The following NRXN1 variants were observed in gnomAD, a reference collection of about 807,000 sequenced individuals.
NRXN1 encodes the protein neurexin 1.
NRXN1 carries 39 observed loss-of-function variants against 150.9 expected under a neutral mutation model. The ratio of observed to expected loss-of-function variants is 0.26; its 90% CI spans 0.20 to 0.34. NRXN1 has a LOEUF of 0.34. NRXN1 is among the 10% of genes least tolerant of loss of function. The pLI, the probability that NRXN1 is intolerant of heterozygous loss-of-function variation, is 1.00. For synonymous variants in NRXN1, 924 were observed against 757.0 expected, an observed-to-expected ratio of 1.22 and a Z score of -3.62; for missense variants, 1,815 against 1,949.9, an observed-to-expected ratio of 0.93 and a Z score of 1.30.
Position 49,920,031 on chromosome 2 carries a change from T to G in NRXN1, c.*1913A>C, listed in dbSNP as rs2103965268. ...GGTATTCAAGTAATGCAACCAATTT[T>G]TCCTGAAACATCAACTTGCAATGTA... On this transcript the variant is annotated 3_prime_UTR_variant, in exon 23 of 23. Transcript: ENST00000401669. 6.6e-6 allele frequency: 1 copy of G among 152,318 alleles called. No individual in the cohort carries two copies. The highest frequency in any genetic ancestry group is 6.5e-5 in the Admixed American group (1 of 15,300). The allele number at this position is 152,318 out of a possible 1,614,324, so 9.4% of individuals were successfully genotyped here.
At chr2:50,181,926 A>G (rs1422321303) in intron 18 of NRXN1, among the ~76,000 whole-genome samples, 2 of 151,964 alleles carry the variant, frequency 1.3e-5, no homozygotes, top group Non-Finnish European at 2.9e-5. Context: ...TCAGATAAAG[A>G]TAGTTTTTAA....
chr2:50,606,113 G>C (rs1677070611), intron 8 of NRXN1, among the ~76,000 whole-genome samples: 1 of 152,002 alleles, frequency 6.6e-6, no homozygotes, highest in African/African-American at 2.4e-5. Flanking sequence ...AGCCAGGCAT[G>C]GTGGCATAGG....
chr2:50,002,494 G>C (rs1011858686), intron 21 of NRXN1, among the ~76,000 whole-genome samples: 1 of 152,104 alleles, frequency 6.6e-6, no homozygotes, highest in Non-Finnish European at 1.5e-5. Context: ...GGATGTCAGT[G>C]ATAGTTGTTT....
At chr2:50,836,987 G>C (rs1574653822) in intron 5 of NRXN1, among the ~76,000 whole-genome samples, 1 of 151,662 alleles carries the variant, frequency 6.6e-6, no homozygotes, top group East Asian at 1.9e-4. Context: ...TGAGCATATG[G>C]TCATGTCTGG....
chr2:49,955,035 A>G (rs1179945825), intron 21 of NRXN1, among the ~76,000 whole-genome samples: 2 of 152,204 alleles, frequency 1.3e-5, no homozygotes, highest in Admixed American at 6.6e-5. Context: ...ATGAAAATAC[A>G]GCTTAGTTAA....
At chr2:50,582,478 CAAAAAAAAAAAA>C (rs56941425) in intron 8 of NRXN1, among the ~76,000 whole-genome samples, 5 of 44,206 alleles carry the variant, frequency 1.1e-4, no homozygotes, top group Admixed American at 6.8e-4. Context: ...GACTCGTCTC[CAAAAAAAAAAAA>C]AAAAAAAAAA....
chr2:50,291,179 A>G (rs1283908508), intron 17 of NRXN1, among the ~76,000 whole-genome samples: 1 of 150,660 alleles, frequency 6.6e-6, no homozygotes, highest in African/African-American at 2.4e-5. Context: ...ATCTGATGTT[A>G]GGAAACATTG....
intron 2 of NRXN1, among the ~76,000 whole-genome samples, chr2:50,999,564 A>C (rs566261407): frequency 2.2e-4 from 34 of 152,018 alleles, no homozygotes; most frequent in African/African-American, 6.7e-4. Flanking sequence ...CCAGCTTTAA[A>C]ATTTCTCTCT....
At chr2:50,447,454 TG>T (rs2086521005) in intron 17 of NRXN1, among the ~76,000 whole-genome samples, 1 of 107,364 alleles carries the variant, frequency 9.3e-6, no homozygotes, top group African/African-American at 3.9e-5. Context: ...CTCTCCAGCC[TG>T]GGTGACAGAG....
chr2:50,600,966 G>C (rs1676174074), intron 8 of NRXN1, among the ~76,000 whole-genome samples: 1 of 151,868 alleles, frequency 6.6e-6, no homozygotes, highest in Non-Finnish European at 1.5e-5. Context: ...GAAAAAAGAA[G>C]TATTGGGTTA....
chr2:50,558,362 G>C (rs115093426), intron 8 of NRXN1, among the ~76,000 whole-genome samples: 231 of 152,192 alleles, frequency 1.5e-3, no homozygotes, highest in African/African-American at 5.1e-3. Context: ...ATTTGTCTTC[G>C]TTTTTGATAG....
intron 17 of NRXN1, among the ~76,000 whole-genome samples, chr2:50,277,194 T>A (rs2070604512): frequency 1.3e-5 from 2 of 152,138 alleles, no homozygotes; most frequent in South Asian, 4.1e-4. Context: ...TACAAATAAC[T>A]CAGGAGCCAC....
At chr2:50,616,393 T>C (rs967730909) in intron 8 of NRXN1, 4 of 152,184 alleles carry the variant, frequency 2.6e-5, no homozygotes, top group Non-Finnish European at 4.4e-5. Context: ...TCATTTCAAA[T>C]AGACATTATT....
chr2:50,256,963 C>T (rs565497605), intron 17 of NRXN1, among the ~76,000 whole-genome samples: 24 of 152,136 alleles, frequency 1.6e-4, no homozygotes, highest in African/African-American at 5.5e-4. Flanking sequence ...AAAAAAGAAT[C>T]TTATACTGTG....
intron 5 of NRXN1, among the ~76,000 whole-genome samples, chr2:50,676,993 G>A (rs895468431): frequency 3.9e-5 from 6 of 152,070 alleles, no homozygotes; most frequent in African/African-American, 1.4e-4. Context: ...AAGTATATGG[G>A]CATTCACAGA....
chr2:50,428,036 T>C (rs978449035), intron 17 of NRXN1, among the ~76,000 whole-genome samples: 1 of 152,176 alleles, frequency 6.6e-6, no homozygotes, highest in Non-Finnish European at 1.5e-5. Context: ...ATAGGCAATC[T>C]TCTGATGCTT....
chr2:50,561,275 C>A (rs774553777), intron 8 of NRXN1, among the ~76,000 whole-genome samples: 6 of 152,162 alleles, frequency 3.9e-5, no homozygotes, highest in Non-Finnish European at 5.9e-5. Context: ...GAGTATGTAG[C>A]AGAATAACCT....
intron 21 of NRXN1, among the ~76,000 whole-genome samples, chr2:50,024,667 T>A (rs1270621394): frequency 6.6e-6 from 1 of 151,684 alleles, no homozygotes; most frequent in Non-Finnish European, 1.5e-5. Flanking sequence ...CAGGCTGGAG[T>A]GCAATGGTCC....
chr2:50,372,972 C>T (rs1019068745), intron 17 of NRXN1, among the ~76,000 whole-genome samples: 15 of 152,000 alleles, frequency 9.9e-5, no homozygotes, highest in African/African-American at 3.4e-4. Flanking sequence ...CTCCAAGAAC[C>T]CCTCTTTTTA....
Sources: allele counts gnomAD v4.1 joint callset (sites outside exome capture counted in the v4.1 genomes callset), GRCh38; gene constraint gnomAD v4.1.1; transcripts MANE v1.5; gene names NCBI Gene and HGNC (gene_info 2026-07-23, HGNC 2026-07-21).